CTCF: variants seen among roughly 807,000 people sequenced by gnomAD.
The protein encoded by CTCF is transcriptional repressor CTCF.
Under a neutral mutation model 72.3 loss-of-function variants are expected in CTCF, and 7 were observed. The observed-to-expected ratio is 0.10, with a 90% confidence interval of 0.06 to 0.18. CTCF has a LOEUF of 0.18. Among genes scored for constraint, CTCF ranks in the 10% least tolerant of loss-of-function variants. The pLI is 1.00. For missense variants in CTCF, 516 were observed against 949.1 expected (o/e 0.54, Z 6.00); for synonymous variants, 374 against 315.8 (o/e 1.18, Z -1.95).
At chr16:67,593,702 A>C (rs1453128605) in intron 2 of CTCF, among the ~76,000 whole-genome samples, 1 of 152,132 alleles carries the variant, frequency 6.6e-6, no homozygotes, top group East Asian at 1.9e-4. Flanking sequence ...ATGCAGATAG[A>C]CTTCTGATCT....
At chr16:67,615,827 C>T (rs1008928260) in intron 4 of CTCF, 2 of 152,210 alleles carry the variant, frequency 1.3e-5, no homozygotes, top group Admixed American at 6.5e-5. Flanking sequence ...TCCTCTCCAG[C>T]ATTCTCTTCA....
chr16:67,592,883 G>A (rs1329011231), intron 2 of CTCF, among the ~76,000 whole-genome samples: 2 of 150,840 alleles, frequency 1.3e-5, no homozygotes, highest in Non-Finnish European at 1.5e-5. Flanking sequence ...AAAAATTAGC[G>A]GGGCACAGTG....
At chr16:67,606,953 AATT>A (rs2051982178) in intron 2 of CTCF, among the ~76,000 whole-genome samples, 1 of 151,128 alleles carries the variant, frequency 6.6e-6, no homozygotes, top group South Asian at 2.1e-4. Context: ...ATTTTATTTT[AATT>A]ATTATTATTT....
chr16:67,609,893 T>C lies in CTCF; in HGVS notation c.-9-931T>C, dbSNP rs182494718. 4.4e-3 allele frequency among the ~76,000 whole-genome samples: 675 copies of C among 152,344 alleles called. 6 individuals are homozygous for C. The highest frequency in any genetic ancestry group is 8.8e-3 in the Admixed American group (134 of 15,292). On this transcript the variant is annotated intron_variant, in intron 2 of 11. Transcript: ENST00000264010. ...TGCCCGCCTCAGCCTCCCAAAGTGC[T>C]GGGATTACAGGCGTGAGCCACCGTG...
chr16:67,636,683 TGAAAA>T lies in CTCF; in HGVS notation c.1838-1_1841del. On this transcript the variant is annotated splice_acceptor_variant and splice_polypyrimidine_tract_variant and intron_variant, in intron 10 of 11. Coordinates refer to ENST00000264010, the MANE Select transcript of CTCF (RefSeq NM_006565.4). LOFTEE classifies it high-confidence loss of function. Reference sequence around the variant, plus strand: ...CCACCACCTGTGCTTCCTGATTTCATGAAAAGAAAATGCTGAACCAGATCTGGACG... The same window carrying T: ...CCACCACCTGTGCTTCCTGATTTCATGAAAATGCTGAACCAGATCTGGACG... 1 of 1,582,556 alleles carries T rather than the reference TGAAAA, an allele frequency of 6.3e-7. No homozygotes were observed. The highest frequency in any genetic ancestry group is 8.6e-7 in the Non-Finnish European group (1 of 1,162,946).
At chr16:67,573,257 C>CA (rs1051822420) in intron 2 of CTCF, among the ~76,000 whole-genome samples, 15 of 149,698 alleles carry the variant, frequency 1.0e-4, no homozygotes, top group Middle Eastern at 6.8e-3. Flanking sequence ...AAAAAAACAA[C>CA]AAAAAAAACC....
At chr16:67,564,010 A>C (rs2051312223) in intron 1 of CTCF, 1 of 152,218 alleles carries the variant, frequency 6.6e-6, no homozygotes, top group Admixed American at 6.5e-5. Flanking sequence ...CGCCTAATGT[A>C]ACTACTGTTT....
chr16:67,562,892 G>C (rs2051294343), intron 1 of CTCF, among the ~76,000 whole-genome samples, 168 bp downstream of exon 1: 1 of 147,042 alleles, frequency 6.8e-6, no homozygotes, highest in African/African-American at 2.5e-5. Context: ...GCCCGTCGCC[G>C]CCGTGGCCCG....
chr16:67,583,027 CTGGA>C (rs2051609944), intron 2 of CTCF, among the ~76,000 whole-genome samples: 1 of 145,880 alleles, frequency 6.9e-6, no homozygotes, highest in East Asian at 2.0e-4. Context: ...GTTGCACAGG[CTGGA>C]TGGAGTGCAG....
chr16:67,630,679 C>T (rs970451733), intron 10 of CTCF, among the ~76,000 whole-genome samples: 20 of 151,892 alleles, frequency 1.3e-4, no homozygotes, highest in Non-Finnish European at 2.5e-4. Context: ...CACCTGAGCC[C>T]GGGAAATTGA....
chr16:67,570,359 C>T (rs771421480), intron 1 of CTCF, among the ~76,000 whole-genome samples: 10 of 151,926 alleles, frequency 6.6e-5, no homozygotes, highest in Non-Finnish European at 1.3e-4. Flanking sequence ...GGATTACAGG[C>T]GTAAGCCACT....
chr16:67,588,848 G>A (rs775786274), intron 2 of CTCF, among the ~76,000 whole-genome samples: 17 of 151,304 alleles, frequency 1.1e-4, no homozygotes, highest in Non-Finnish European at 2.1e-4. Context: ...CACCACACCC[G>A]GCTAATTTTT....
rs146712579 is a variant in CTCF, at chr16:67,637,827, C to T, written c.2139C>T (p.Asn713=). 769 of 1,612,658 alleles carry T rather than the reference C, an allele frequency of 4.8e-4. 2 individuals are homozygous for T. The Middle Eastern group carries it at 6.0e-3, about 13-fold the overall frequency. ...EAQPAATDAP[N]GDLTPEMILS... is the part of the protein sequence containing the mutation. The stretch of plus-strand genomic sequence containing the variant: ...AGCCAGCTGCCACAGATGCCCCCAA[C>T]GGAGACCTCACGCCCGAGATGATCC... The change falls in exon 12 of 12, where the codon AAC becomes AAT. Residue 713 remains asparagine (N), a synonymous_variant. Coordinates refer to ENST00000264010, the MANE Select transcript of CTCF (RefSeq NM_006565.4).
At chr16:67,630,898 G>A (rs1322807736) in intron 10 of CTCF, among the ~76,000 whole-genome samples, 1 of 152,126 alleles carries the variant, frequency 6.6e-6, no homozygotes, top group East Asian at 1.9e-4. Flanking sequence ...GCATCCAGGT[G>A]GGAAGGCACC....
At chr16:67,569,996 A>G (rs548539741) in intron 1 of CTCF, among the ~76,000 whole-genome samples, 148 of 152,322 alleles carry the variant, frequency 9.7e-4, no homozygotes, top group African/African-American at 3.4e-3. Context: ...GGCATGAACA[A>G]ACTTAATCAG....
rs548616793 is a variant in CTCF at position 67,568,740 on chromosome 16, G to T, written c.-126-2408G>T. On this transcript the variant is annotated intron_variant, in intron 1 of 11. Transcript: ENST00000264010. Reference sequence around the variant, plus strand: ...AGACGGGGTTTTGCCATGTTGCCCTGACTGGCTTTGAACTCCTAGGCTCGA... The same window carrying T: ...AGACGGGGTTTTGCCATGTTGCCCTTACTGGCTTTGAACTCCTAGGCTCGA... 1.8e-4 allele frequency among the ~76,000 whole-genome samples: 28 copies of T among 152,118 alleles called. No individual in the cohort carries two copies. In the East Asian group the frequency reaches 4.9e-3, roughly 26 times the overall value.
intron 2 of CTCF, among the ~76,000 whole-genome samples, chr16:67,584,045 G>GTGTGCAGCCTCACTT (rs2051626548): frequency 1.3e-5 from 2 of 152,204 alleles, no homozygotes; most frequent in Admixed American, 1.3e-4. Flanking sequence ...CTTCATGCTT[G>GTGTGCAGCCTCACTT]TGTGCAGCCT....
chr16:67,629,614 G>T, intron 10 of CTCF, 81 bp downstream of exon 10: 1 of 1,430,214 alleles, frequency 7.0e-7, no homozygotes, highest in Admixed American at 2.1e-5. Flanking sequence ...TGGATATGCT[G>T]GGATATAGAG....
In CTCF at chr16:67,611,622, A is replaced by G; in HGVS notation, c.781+9A>G. On this transcript the variant is annotated intron_variant, in intron 3 of 11. Transcript: ENST00000264010. Reference sequence around the variant, plus strand: ...AAAAATTAAAAAGAAAGGTAAAACGAGTTTATCCATAGTGGTTTCATAAAA... The same window carrying G: ...AAAAATTAAAAAGAAAGGTAAAACGGGTTTATCCATAGTGGTTTCATAAAA... 6.2e-7 allele frequency: 1 copy of G among 1,607,460 alleles called. No individual in the cohort carries two copies. The highest frequency in any genetic ancestry group is 8.5e-7 in the Non-Finnish European group (1 of 1,177,840).
Sources: gnomAD v4.1 joint callset for allele counts (sites outside exome capture counted in the v4.1 genomes callset) on GRCh38, gnomAD v4.1.1 for gene constraint, MANE v1.5 for transcripts, NCBI Gene and HGNC (gene_info 2026-07-23, HGNC 2026-07-21) for gene names.